UBE2D4: variants seen among roughly 807,000 people sequenced by gnomAD.
The protein encoded by UBE2D4 is ubiquitin-conjugating enzyme E2 D4.
In UBE2D4, 17 loss-of-function variants were observed where a neutral mutation model predicts 23.0. The ratio of observed to expected loss-of-function variants is 0.74; its 90% CI spans 0.51 to 1.11. The LOEUF (loss-of-function observed/expected upper bound fraction) is 1.11, where lower values mean the gene tolerates loss of function less well. UBE2D4 is among the 50% of genes least tolerant of loss of function. UBE2D4 has a pLI of 0.00. For synonymous variants in UBE2D4, 61 were observed against 69.4 expected (o/e 0.88, Z 0.60); for missense variants, 139 against 181.8 (o/e 0.76, Z 1.35).
chr7:43,927,673 G>C (rs141996811), intron 1 of UBE2D4, among the ~76,000 whole-genome samples: 8 of 152,286 alleles, frequency 5.3e-5, no homozygotes, highest in African/African-American at 1.9e-4. Context: ...ATTACCTGTA[G>C]TAGGTAAAAG....
intron 1 of UBE2D4, 85 bp downstream of exon 1, chr7:43,926,641 G>A: frequency 7.1e-7 from 1 of 1,405,972 alleles, no homozygotes; most frequent in East Asian, 2.8e-5. Context: ...AGTGAAAGGT[G>A]ACGGAGGCTC....
intron 1 of UBE2D4, among the ~76,000 whole-genome samples, chr7:43,937,291 C>G (rs1585864057): frequency 6.6e-6 from 1 of 152,134 alleles, no homozygotes. Flanking sequence ...AAACAATTCT[C>G]CTGCACAGTG....
chr7:43,947,650 G>A (rs1037403214), intron 4 of UBE2D4, among the ~76,000 whole-genome samples: 1 of 152,198 alleles, frequency 6.6e-6, no homozygotes, highest in African/African-American at 2.4e-5. Flanking sequence ...AAACATACAT[G>A]TGCATGTGTC....
chr7:43,928,344 A>G (rs1441250714), intron 1 of UBE2D4, among the ~76,000 whole-genome samples: 1 of 152,140 alleles, frequency 6.6e-6, no homozygotes, highest in Non-Finnish European at 1.5e-5. Context: ...ATCATTGTAC[A>G]ATGAGCCTTT....
chr7:43,952,865 A>G lies in UBE2D4; in HGVS notation c.*170A>G, dbSNP rs888389231. On this transcript the variant is annotated 3_prime_UTR_variant, in exon 7 of 7. Coordinates refer to ENST00000222402, the MANE Select transcript of UBE2D4 (RefSeq NM_015983.4). ...CAGCATGTTGGTGCCATTTTCAGCA[A>G]TTACGGCTTTGACAGTGCCACCTCT... 5.5e-5 allele frequency: 33 copies of G among 601,936 alleles called. No homozygotes were observed. The highest frequency in any genetic ancestry group is 8.1e-4 in the Middle Eastern group (2 of 2,472). The allele number at this position is 601,936 out of a possible 1,614,324, so 37.3% of individuals were successfully genotyped here. A position where few individuals can be genotyped will look rare whatever the true frequency, so the allele number is the denominator to read the frequency against.
chr7:43,950,769 G>C lies in UBE2D4; in HGVS notation c.398+77G>C, dbSNP rs1018090083. ...CATGCAGTACCTGTGCTCTGAGCTG[G>C]TGCTTCTAGGCTGCAGGTTCCCACA... On this transcript the variant is annotated intron_variant, in intron 6 of 6. Coordinates refer to ENST00000222402, the MANE Select transcript of UBE2D4 (RefSeq NM_015983.4). 7.6e-6 allele frequency: 9 copies of C among 1,191,172 alleles called. No individual in the cohort carries two copies. In the African/African-American group the frequency reaches 1.2e-4, roughly 16 times the overall value. 73.8% of individuals were successfully genotyped at this position (1,191,172 alleles called of 1,614,324 possible).
chr7:43,934,119 T>TCCAG (rs1454023850), intron 1 of UBE2D4, among the ~76,000 whole-genome samples: 1 of 152,212 alleles, frequency 6.6e-6, no homozygotes, highest in Non-Finnish European at 1.5e-5. Flanking sequence ...GGACTGGAAT[T>TCCAG]TCCTAATTCC....
chr7:43,938,283 G>C, intron 1 of UBE2D4, 148 bp from the exon 2 acceptor site: 1 of 725,806 alleles, frequency 1.4e-6, no homozygotes, highest in Non-Finnish European at 2.5e-6. Context: ...GCAGGGAGTA[G>C]AGTCCTATGA....
chr7:43,949,554 CCT>C (rs1227330442), intron 5 of UBE2D4, among the ~76,000 whole-genome samples: 1 of 152,162 alleles, frequency 6.6e-6, no homozygotes, highest in African/African-American at 2.4e-5. Flanking sequence ...CAAACCTGCC[CCT>C]GTCATTTGTA....
chr7:43,932,074 T>C (rs187099087), intron 1 of UBE2D4, among the ~76,000 whole-genome samples: 239 of 152,002 alleles, frequency 1.6e-3, no homozygotes, highest in African/African-American at 5.0e-3. Context: ...CTGCAAGCTC[T>C]GCCTCCCAGG....
At chr7:43,933,535 G>A (rs546977936) in intron 1 of UBE2D4, among the ~76,000 whole-genome samples, 36 of 152,240 alleles carry the variant, frequency 2.4e-4, no homozygotes, top group Admixed American at 5.9e-4. Context: ...GAGGTCAGGA[G>A]TTTGAGACCA....
intron 1 of UBE2D4, among the ~76,000 whole-genome samples, chr7:43,931,197 G>A (rs1013001449): frequency 2.6e-5 from 4 of 152,264 alleles, no homozygotes; most frequent in East Asian, 1.9e-4. Context: ...AGCACTTTGG[G>A]AGGCTAAGGC....
At position 43,952,853 on chromosome 7, in the gene UBE2D4, C is replaced by T; in HGVS notation, c.*158C>T. 1.6e-6 allele frequency: 1 copy of T among 630,558 alleles called. No individual in the cohort carries two copies. The highest frequency in any genetic ancestry group is 2.9e-6 in the Non-Finnish European group (1 of 348,476). 39.1% of individuals were successfully genotyped at this position (630,558 alleles called of 1,614,324 possible). A position where few individuals can be genotyped will look rare whatever the true frequency, so the allele number is the denominator to read the frequency against. The stretch of plus-strand genomic sequence containing the variant: ...TCTCTCCAGCTGCAGCATGTTGGTG[C>T]CATTTTCAGCAATTACGGCTTTGAC... On this transcript the variant is annotated 3_prime_UTR_variant, in exon 7 of 7. Transcript: ENST00000222402.
At chr7:43,927,640 C>A (rs925205763) in intron 1 of UBE2D4, among the ~76,000 whole-genome samples, 11 of 152,206 alleles carry the variant, frequency 7.2e-5, no homozygotes, top group East Asian at 3.9e-4. Context: ...TCCACAAGTA[C>A]ATGACTAGTA....
chr7:43,927,081 A>T (rs1488000852), intron 1 of UBE2D4, among the ~76,000 whole-genome samples: 1 of 152,138 alleles, frequency 6.6e-6, no homozygotes, highest in Non-Finnish European at 1.5e-5. Context: ...TGCAGGTAAG[A>T]GGGAGTCCAT....
chr7:43,945,663 T>A (rs762496732), intron 4 of UBE2D4, among the ~76,000 whole-genome samples: 2 of 151,866 alleles, frequency 1.3e-5, no homozygotes, highest in Non-Finnish European at 2.9e-5. Context: ...TATTAAAAAC[T>A]ATATCAAACA....
intron 4 of UBE2D4, 168 bp downstream of exon 4, chr7:43,943,199 G>T: frequency 1.5e-6 from 1 of 679,188 alleles, no homozygotes; most frequent in Non-Finnish European, 2.6e-6. Context: ...CTGGACTTTG[G>T]GAATTAGCAC....
intron 2 of UBE2D4, chr7:43,941,380 T>C (rs2095971975): frequency 6.6e-6 from 1 of 152,192 alleles, no homozygotes; most frequent in Non-Finnish European, 1.5e-5. Flanking sequence ...ACACAGGAGC[T>C]TTTCTGGGAA....
chr7:43,938,342 C>A (rs2095963026), intron 1 of UBE2D4, 89 bp from the exon 2 acceptor site: 1 of 1,327,502 alleles, frequency 7.5e-7, no homozygotes, highest in Non-Finnish European at 1.1e-6. Flanking sequence ...CTCCTCCCAC[C>A]AGGAGAATTC....
Sources: allele counts gnomAD v4.1 joint callset (sites outside exome capture counted in the v4.1 genomes callset), GRCh38; gene constraint gnomAD v4.1.1; transcripts MANE v1.5; gene names NCBI Gene and HGNC (gene_info 2026-07-23, HGNC 2026-07-21).